Variants in AGBL4 observed in about 807,000 individuals in gnomAD.
The protein encoded by AGBL4 is AGBL carboxypeptidase 4, also known as cytosolic carboxypeptidase 6.
Under a neutral mutation model 66.4 loss-of-function variants are expected in AGBL4, and 58 were observed. The ratio of observed to expected loss-of-function variants is 0.87; its 90% confidence interval spans 0.71 to 1.09. The LOEUF is 1.09. Among genes scored for constraint, AGBL4 ranks in the 50% least tolerant of loss-of-function variants. The pLI is 0.00. For synonymous variants in AGBL4, 234 were observed against 222.9 expected (o/e 1.05, Z -0.44); for missense variants, 579 against 631.0 (o/e 0.92, Z 0.88).
intron 3 of AGBL4, among the ~76,000 whole-genome samples, chr1:49,463,848 A>G (rs1646567444): frequency 6.6e-6 from 1 of 151,772 alleles, no homozygotes; most frequent in Non-Finnish European, 1.5e-5. Flanking sequence ...CACTACATTT[A>G]CTAAGTAGTT....
intron 2 of AGBL4, among the ~76,000 whole-genome samples, chr1:49,741,790 A>C (rs1028214378): frequency 3.9e-5 from 6 of 152,174 alleles, no homozygotes; most frequent in Admixed American, 1.3e-4. Flanking sequence ...ACAGAACCAA[A>C]GACAAAAACC....
intron 3 of AGBL4, among the ~76,000 whole-genome samples, chr1:49,440,069 C>CT (rs34024621): frequency 0.66 from 81,051 of 123,442 alleles, 27,537 homozygotes; most frequent in Middle Eastern, 0.71. Context: ...AAGGACTCTA[C>CT]TTTTTTTTTT....
intron 3 of AGBL4, among the ~76,000 whole-genome samples, chr1:49,371,421 G>A (rs983363898): frequency 3.3e-5 from 5 of 152,024 alleles, no homozygotes; most frequent in South Asian, 2.1e-4. Context: ...CTGTACATAC[G>A]TCACACATAG....
chr1:49,505,385 A>T (rs1292556137), intron 3 of AGBL4, among the ~76,000 whole-genome samples: 1 of 151,654 alleles, frequency 6.6e-6, no homozygotes, highest in African/African-American at 2.4e-5. Flanking sequence ...CAACTTTAAG[A>T]ACTCCCTTTA....
chr1:48,720,962 GTT>G (rs11345912), intron 6 of AGBL4, among the ~76,000 whole-genome samples: 70 of 146,036 alleles, frequency 4.8e-4, no homozygotes, highest in Middle Eastern at 7.3e-3. Context: ...AGAGAGGATA[GTT>G]TTTTTTTTTT....
At chr1:49,332,047 T>A (rs1257670472) in intron 3 of AGBL4, among the ~76,000 whole-genome samples, 2 of 152,208 alleles carry the variant, frequency 1.3e-5, no homozygotes, top group Non-Finnish European at 2.9e-5. Context: ...ACAGAGGGGC[T>A]GCTTTGTCTA....
chr1:48,734,916 C>T (rs1478957099), intron 6 of AGBL4, among the ~76,000 whole-genome samples: 3 of 152,176 alleles, frequency 2.0e-5, no homozygotes, highest in Non-Finnish European at 4.4e-5. Flanking sequence ...ACATGGCAGA[C>T]CTGGACACTA....
rs561208802 is a variant in AGBL4, at chr1:49,543,030, G to A, written c.282+154283C>T. Among the ~76,000 whole-genome samples the A allele has an allele frequency of 2.0e-5, 3 of 151,336 alleles. No individual in the cohort carries two copies. In the South Asian group the frequency reaches 6.3e-4, roughly 32 times the overall value. ...GCATATGGCTAAGACCTCCTTCCAA[G>A]GGCCACTAGGTGACAATAACAAGGA... is the stretch of plus-strand genomic sequence containing the variant. On this transcript the variant is annotated intron_variant, in intron 3 of 13. Transcript: ENST00000371839.
intron 2 of AGBL4, among the ~76,000 whole-genome samples, chr1:49,705,543 G>T (rs1647194054): frequency 6.6e-6 from 1 of 151,988 alleles, no homozygotes; most frequent in African/African-American, 2.4e-5. Flanking sequence ...TCTTTCTCTT[G>T]CCTGATAGCC....
At chr1:49,614,149 G>A (rs1048006416) in intron 3 of AGBL4, among the ~76,000 whole-genome samples, 1 of 152,096 alleles carries the variant, frequency 6.6e-6, no homozygotes, top group Non-Finnish European at 1.5e-5. Flanking sequence ...CAGCACACCT[G>A]TATATGTACC....
chr1:48,690,799 C>T (rs1174047662), intron 6 of AGBL4, among the ~76,000 whole-genome samples: 2 of 152,134 alleles, frequency 1.3e-5, no homozygotes, highest in East Asian at 3.9e-4. Context: ...ACAAAATGTA[C>T]TAAGTGTGGC....
chr1:49,957,761 T>G (rs1482661054), intron 1 of AGBL4, among the ~76,000 whole-genome samples: 1 of 152,080 alleles, frequency 6.6e-6, no homozygotes, highest in Admixed American at 6.6e-5. Flanking sequence ...TGTCCTGCAC[T>G]TGAGATGGGT....
At position 49,515,522 on chromosome 1, in the gene AGBL4, G is replaced by A. The variant is rs557932851; in HGVS notation, c.282+181791C>T. Among the ~76,000 whole-genome samples the A allele has an allele frequency of 2.6e-5, 4 of 152,002 alleles. No homozygotes were observed. The South Asian group carries it at 6.2e-4, about 24-fold the overall frequency. ...AGAACTAGAAATACCATTTGACCCAGCAATCCCATTACTGGGTATATACCC... is the reference window on the plus strand; with the variant it reads ...AGAACTAGAAATACCATTTGACCCAACAATCCCATTACTGGGTATATACCC... On this transcript the variant is annotated intron_variant, in intron 3 of 13. Transcript: ENST00000371839.
intron 3 of AGBL4, among the ~76,000 whole-genome samples, chr1:49,646,331 G>T (rs1049320232): frequency 6.6e-6 from 1 of 151,874 alleles, no homozygotes. Context: ...TAATAAGTGA[G>T]CTCAGCAAGA....
At chr1:49,242,852 T>C (rs764256717) in intron 4 of AGBL4, among the ~76,000 whole-genome samples, 18 of 151,930 alleles carry the variant, frequency 1.2e-4, no homozygotes, top group African/African-American at 1.7e-4. Context: ...ATTTACATAA[T>C]GGTTTTCCAG....
chr1:49,955,959 C>T (rs1393075170), intron 1 of AGBL4, among the ~76,000 whole-genome samples: 1 of 151,772 alleles, frequency 6.6e-6, no homozygotes, highest in East Asian at 1.9e-4. Flanking sequence ...ATATCTCATT[C>T]ATTAACAGGA....
intron 5 of AGBL4, among the ~76,000 whole-genome samples, chr1:48,976,842 C>CGAGATCT: frequency 6.6e-6 from 1 of 152,068 alleles, no homozygotes; most frequent in East Asian, 1.9e-4. Flanking sequence ...AGGACCATCC[C>CGAGATCT]ACCTAAAGTT....
At chr1:49,391,287 A>T (rs1454542478) in intron 3 of AGBL4, among the ~76,000 whole-genome samples, 1 of 152,174 alleles carries the variant, frequency 6.6e-6, no homozygotes, top group African/African-American at 2.4e-5. Context: ...AAGACATCAC[A>T]GGGTTTAAAG....
intron 2 of AGBL4, among the ~76,000 whole-genome samples, chr1:49,705,316 T>A (rs947838201): frequency 1.3e-5 from 2 of 152,172 alleles, no homozygotes; most frequent in African/African-American, 4.8e-5. Context: ...GTTAAGAATA[T>A]TTTGAGCTGA....
Sources: gnomAD v4.1 joint callset for allele counts (sites outside exome capture counted in the v4.1 genomes callset) on GRCh38, gnomAD v4.1.1 for gene constraint, MANE v1.5 for transcripts, NCBI Gene and HGNC (gene_info 2026-07-23, HGNC 2026-07-21) for gene names.